The following TNR variants were observed in gnomAD, a reference collection of about 807,000 sequenced individuals.
The protein encoded by TNR is tenascin R.
TNR carries 45 observed loss-of-function variants against 150.4 expected under a neutral mutation model. That is an observed-to-expected ratio of 0.30 (90% CI 0.24 to 0.38). The LOEUF is 0.38. Among genes scored for constraint, TNR ranks in the 10% least tolerant of loss-of-function variants. The pLI is 1.00. For synonymous variants in TNR, 687 were observed against 678.4 expected (o/e 1.01, Z -0.20); for missense variants, 1,544 against 1,759.1 (o/e 0.88, Z 2.19).
chr1:175,541,294 G>A (rs758701499), intron 1 of TNR, among the ~76,000 whole-genome samples: 3 of 152,222 alleles, frequency 2.0e-5, no homozygotes, highest in African/African-American at 7.2e-5. Flanking sequence ...GGGTCAATAA[G>A]TATTAAACTA....
intron 18 of TNR, among the ~76,000 whole-genome samples, chr1:175,346,413 T>C (rs888243641): frequency 5.3e-5 from 8 of 152,070 alleles, no homozygotes; most frequent in African/African-American, 1.9e-4. Flanking sequence ...GTACTTGGAT[T>C]GTTACACAAA....
At chr1:175,508,433 G>A (rs1659041087) in intron 2 of TNR, among the ~76,000 whole-genome samples, 1 of 152,160 alleles carries the variant, frequency 6.6e-6, no homozygotes, top group Non-Finnish European at 1.5e-5. Context: ...TGGAGTGGGG[G>A]CTGGATTTAT....
chr1:175,564,107 C>A (rs996023751), intron 1 of TNR, among the ~76,000 whole-genome samples: 1 of 152,214 alleles, frequency 6.6e-6, no homozygotes, highest in African/African-American at 2.4e-5. Context: ...GCTCTCAAGG[C>A]AATCTGTAAG....
At chr1:175,366,909 C>T (rs1651864745) in intron 10 of TNR, among the ~76,000 whole-genome samples, 1 of 152,198 alleles carries the variant, frequency 6.6e-6, no homozygotes, top group Admixed American at 6.5e-5. Context: ...AAAAATATGG[C>T]CTGCAATGGC....
chr1:175,472,690 C>T (rs1657355745), intron 2 of TNR, among the ~76,000 whole-genome samples: 1 of 152,120 alleles, frequency 6.6e-6, no homozygotes, highest in Non-Finnish European at 1.5e-5. Flanking sequence ...CTAATTTGTG[C>T]TGTATGAATA....
At chr1:175,729,938 T>C (rs748437987) in intron 1 of TNR, among the ~76,000 whole-genome samples, 23 of 152,248 alleles carry the variant, frequency 1.5e-4, no homozygotes, top group Non-Finnish European at 2.8e-4. Context: ...GTCAATAAAA[T>C]TTAGTTAAGC....
intron 1 of TNR, among the ~76,000 whole-genome samples, chr1:175,536,612 T>G (rs1195129367): frequency 2.6e-5 from 4 of 152,184 alleles, no homozygotes. Context: ...TGAGTCAATG[T>G]TTAATGTACT....
intron 1 of TNR, among the ~76,000 whole-genome samples, chr1:175,570,418 G>A (rs189771779): frequency 2.0e-5 from 3 of 152,256 alleles, no homozygotes; most frequent in African/African-American, 7.2e-5. Flanking sequence ...ATTACCACTT[G>A]GAGAGGGTGT....
At chr1:175,467,999 G>T (rs1237235954) in intron 2 of TNR, among the ~76,000 whole-genome samples, 3 of 152,228 alleles carry the variant, frequency 2.0e-5, no homozygotes, top group South Asian at 4.1e-4. Flanking sequence ...ATAGAAGTTT[G>T]TGATATGATA....
chr1:175,426,147 C>T (rs1051350803), intron 2 of TNR, among the ~76,000 whole-genome samples: 5 of 152,172 alleles, frequency 3.3e-5, no homozygotes, highest in Admixed American at 1.3e-4. Context: ...AATTTAGTTA[C>T]CTCAAGGGAT....
intron 14 of TNR, among the ~76,000 whole-genome samples, chr1:175,360,159 A>AG (rs555207653): frequency 4.4e-4 from 67 of 152,352 alleles, no homozygotes; most frequent in African/African-American, 1.3e-3. Context: ...TATAAATGTA[A>AG]GGGTGTGCCT....
At chr1:175,342,230 T>G (rs781045844) in intron 18 of TNR, among the ~76,000 whole-genome samples, 5 of 152,118 alleles carry the variant, frequency 3.3e-5, no homozygotes, top group Non-Finnish European at 7.4e-5. Flanking sequence ...AAAACCTGGA[T>G]GTGGGCGTGC....
At chr1:175,633,744 A>G (rs1393425330) in intron 1 of TNR, among the ~76,000 whole-genome samples, 1 of 152,088 alleles carries the variant, frequency 6.6e-6, no homozygotes, top group Non-Finnish European at 1.5e-5. Context: ...AGAAAGAGTG[A>G]GATAATGCTT....
chr1:175,386,039 G>C lies in TNR; in HGVS notation c.1770C>G (p.Phe590Leu). 1 of 1,591,444 alleles carries C rather than the reference G, an allele frequency of 6.3e-7. No homozygotes were observed. The highest frequency in any genetic ancestry group is 8.6e-7 in the Non-Finnish European group (1 of 1,166,044). Reference sequence around the variant, plus strand: ...CCCCCACCGCAGCCTTACCTGTTGTGAACTGAGTGGTGGCAGAATCGCTCT... The same window carrying C: ...CCCCCACCGCAGCCTTACCTGTTGTCAACTGAGTGGTGGCAGAATCGCTCT... ...TNESDSATTQ[F>L]TTEIDAPKNL... The change falls in exon 8 of 23, where the codon TTC (phenylalanine) becomes TTG (leucine). Residue 590 changes from phenylalanine to leucine, a missense_variant. Physicochemically the swap from Phe to Leu is conservative, Grantham distance 22. Around this residue, in one of 2 missense-constraint regions of TNR, gnomAD observed 1,254 missense variants for 1,329.4 expected, o/e 0.94. Transcript: ENST00000367674.
At chr1:175,665,784 T>C (rs1178315362) in intron 1 of TNR, among the ~76,000 whole-genome samples, 2 of 152,218 alleles carry the variant, frequency 1.3e-5, no homozygotes, top group Admixed American at 6.5e-5. Flanking sequence ...AAGTGTTTTA[T>C]AGTTCAGCGA....
chr1:175,513,923 A>G (rs77081554), intron 2 of TNR, among the ~76,000 whole-genome samples: 2,107 of 152,282 alleles, frequency 0.014, 58 homozygotes, highest in African/African-American at 0.045. Context: ...GAGTATCTGC[A>G]TTTCTAAAAA....
At chr1:175,646,593 T>C (rs551601033) in intron 1 of TNR, among the ~76,000 whole-genome samples, 2 of 148,016 alleles carry the variant, frequency 1.4e-5, no homozygotes, top group Non-Finnish European at 2.9e-5. Flanking sequence ...CCTTAGACAT[T>C]ATCTGATCCA....
chr1:175,662,340 C>T (rs559564527), intron 1 of TNR, among the ~76,000 whole-genome samples: 29 of 152,106 alleles, frequency 1.9e-4, no homozygotes, highest in Non-Finnish European at 3.8e-4. Context: ...GTGAGTCCTG[C>T]CTCTTCCACA....
At chr1:175,729,951 C>T (rs1182574954) in intron 1 of TNR, among the ~76,000 whole-genome samples, 2 of 152,142 alleles carry the variant, frequency 1.3e-5, no homozygotes, top group African/African-American at 2.4e-5. Flanking sequence ...AGTTAAGCTG[C>T]TCCTGTAATT....
Sources: allele counts gnomAD v4.1 joint callset (sites outside exome capture counted in the v4.1 genomes callset), GRCh38; gene constraint gnomAD v4.1.1; regional missense constraint gnomAD v4.1.1; transcripts MANE v1.5; gene names NCBI Gene and HGNC (gene_info 2026-07-23, HGNC 2026-07-21).